CHORDC1: variants seen among roughly 807,000 people sequenced by gnomAD.
The protein encoded by CHORDC1 is cysteine and histidine rich domain containing 1.
In CHORDC1, 25 loss-of-function variants were observed where a neutral mutation model predicts 48.3. The observed-to-expected ratio is 0.52, with a 90% CI of 0.38 to 0.72. The LOEUF (loss-of-function observed/expected upper bound fraction) is 0.72. Ranked by LOEUF, CHORDC1 falls within the 30% of genes least tolerant of loss-of-function variation. The pLI, the probability that CHORDC1 is intolerant of heterozygous loss-of-function variation, is 0.00. For missense variants in CHORDC1, 317 were observed against 388.7 expected (o/e 0.82, Z 1.55); for synonymous variants, 128 against 126.4 (o/e 1.01, Z -0.09).
intron 1 of CHORDC1, 171 bp downstream of exon 1, chr11:90,222,720 C>T (rs899088877): frequency 2.1e-5 from 15 of 723,150 alleles, no homozygotes; most frequent in Middle Eastern, 6.5e-4. Context: ...CGCGGCGCAA[C>T]AGAGGGGCGG....
At chr11:90,204,318 G>C (rs934725433) in intron 8 of CHORDC1, among the ~76,000 whole-genome samples, 2 of 151,832 alleles carry the variant, frequency 1.3e-5, no homozygotes, top group African/African-American at 2.4e-5. Flanking sequence ...CAAACTTTTG[G>C]ACTATAAAAA....
chr11:90,212,302 T>A (rs1857892149), intron 4 of CHORDC1: 1 of 152,188 alleles, frequency 6.6e-6, no homozygotes, highest in South Asian at 2.1e-4. Flanking sequence ...TTCTGATGGT[T>A]TTTTTCTTGC....
chr11:90,215,109 A>C, intron 3 of CHORDC1, 65 bp downstream of exon 3: 1 of 974,714 alleles, frequency 1.0e-6, no homozygotes, highest in South Asian at 1.9e-5. Context: ...AGACTCCTCA[A>C]ATCTGAAGCT....
rs746177244 is a variant in CHORDC1, at chr11:90,202,314, CAACAA to C, written c.*86_*90del. On this transcript the variant is annotated 3_prime_UTR_variant, in exon 11 of 11. Coordinates refer to ENST00000320585, the MANE Select transcript of CHORDC1 (RefSeq NM_012124.3). ...TGAAATGCCACATTCAGTAACACAA[CAACAA>C]AACAAAAGATTACAGCAGCAAGCCA... 2.7e-5 allele frequency: 35 copies of C among 1,274,360 alleles called. No homozygotes were observed. Among genetic ancestry groups the C allele is most frequent in the Non-Finnish European group, 3.8e-5 (34 of 903,026 alleles). The allele number at this position is 1,274,360 out of a possible 1,614,324, so 78.9% of individuals were successfully genotyped here.
At chr11:90,211,527 A>G in intron 4 of CHORDC1, 1 of 418,144 alleles carries the variant, frequency 2.4e-6, no homozygotes, top group South Asian at 2.7e-5. Flanking sequence ...TTAGAATAGT[A>G]AGTCTCAAAT....
At chr11:90,215,929 T>G (rs7118543) in intron 2 of CHORDC1, among the ~76,000 whole-genome samples, 1 of 151,812 alleles carries the variant, frequency 6.6e-6, no homozygotes, top group Non-Finnish European at 1.5e-5. Context: ...CAGATTAAGA[T>G]GCAACTTTGC....
chr11:90,219,194 G>A (rs1381705163), intron 1 of CHORDC1, among the ~76,000 whole-genome samples: 1 of 152,034 alleles, frequency 6.6e-6, no homozygotes, highest in Non-Finnish European at 1.5e-5. Context: ...AACTTGGGAA[G>A]CAGAGTTTGC....
At position 90,215,478 on chromosome 11, in the gene CHORDC1, A is replaced by T. The variant is rs867238598; in HGVS notation, c.115-248T>A. 1.5e-3 allele frequency among the ~76,000 whole-genome samples: 224 copies of T among 152,206 alleles called. 1 individual carries two copies. Among genetic ancestry groups the T allele is most frequent in the African/African-American group, 5.2e-3 (218 of 41,584 alleles). On this transcript the variant is annotated intron_variant, in intron 2 of 10. Coordinates refer to ENST00000320585, the MANE Select transcript of CHORDC1 (RefSeq NM_012124.3). Reference sequence around the variant, plus strand: ...CTATCATCAAGGGAAGCACCTTTATAAAACAAAAACTGTTTCTCTTTTCAA... The same window carrying T: ...CTATCATCAAGGGAAGCACCTTTATTAAACAAAAACTGTTTCTCTTTTCAA...
intron 7 of CHORDC1, chr11:90,205,892 C>A (rs1857667299): frequency 4.5e-6 from 2 of 440,746 alleles, no homozygotes; most frequent in Non-Finnish European, 8.1e-6. Context: ...AAATGCCCTG[C>A]AATGTGTAGG....
Position 90,202,535 on chromosome 11 carries a change from C to T in CHORDC1, c.869G>A (p.Arg290Gln), listed in dbSNP as rs775629341. 1.7e-5 allele frequency: 27 copies of T among 1,613,240 alleles called. No homozygotes were observed. The highest frequency in any genetic ancestry group is 3.3e-5 in the Admixed American group (2 of 59,952). ...TGTTGCAGTCATAGTTACATAACTT[C>T]GCTTTACATCAATCACCTGTAACAT... ...VKLWGVIDVK[R>Q]SYVTMTATKI... Residue 290 changes from arginine to glutamine, a missense_variant, in exon 11 of 11, where the codon CGA becomes CAA. Transcript: ENST00000320585.
intron 2 of CHORDC1, among the ~76,000 whole-genome samples, chr11:90,216,263 A>T (rs137935213): frequency 9.4e-4 from 143 of 152,270 alleles, no homozygotes; most frequent in African/African-American, 3.1e-3. Context: ...GTAAAATACA[A>T]TACAGGCCAG....
chr11:90,210,012 A>G (rs1857816613), intron 6 of CHORDC1, among the ~76,000 whole-genome samples: 1 of 152,188 alleles, frequency 6.6e-6, no homozygotes, highest in African/African-American at 2.4e-5. Flanking sequence ...TATTCCTTGA[A>G]TAGCCAAGTT....
chr11:90,210,558 C>G lies in CHORDC1; in HGVS notation c.470G>C (p.Cys157Ser), dbSNP rs1204901340. 1 of 1,591,196 alleles carries G rather than the reference C, an allele frequency of 6.3e-7. No homozygotes were observed. Among genetic ancestry groups the G allele is most frequent in the East Asian group, 2.2e-5 (1 of 44,634 alleles). Residue 157 changes from cysteine (C) to serine (S), a missense_variant, in exon 6 of 11, where the codon TGT becomes TCT. Transcript: ENST00000320585. ...DNDEIKIGTS[C>S]KNGGCSKTYQ... ...TACCTTTGAACACCCTCCATTCTTACATGAGGTCCCAATCTTAATTTCATC... is the reference window on the plus strand; with the variant it reads ...TACCTTTGAACACCCTCCATTCTTAGATGAGGTCCCAATCTTAATTTCATC...
At chr11:90,213,334 CAAA>C (rs35305859) in intron 4 of CHORDC1, 160,151 of 567,226 alleles carry the variant, frequency 0.28, 7,393 homozygotes, top group South Asian at 0.32. Context: ...TACTTGCAGC[CAAA>C]AAAAAAAAAA....
At chr11:90,218,045 C>A in intron 2 of CHORDC1, 90 bp downstream of exon 2, 1 of 954,328 alleles carries the variant, frequency 1.0e-6, no homozygotes, top group Non-Finnish European at 1.5e-6. Flanking sequence ...AAGTCACTAG[C>A]TGAGAAAAAA....
intron 6 of CHORDC1, chr11:90,208,911 G>T (rs972855034): frequency 2.0e-5 from 3 of 152,112 alleles, no homozygotes; most frequent in Non-Finnish European, 2.9e-5. Context: ...ACCCTTTTAG[G>T]ATCTGGCCAG....
At chr11:90,202,639 C>T (rs1857570166) in intron 10 of CHORDC1, 88 bp from the exon 11 acceptor site, 2 of 1,484,340 alleles carry the variant, frequency 1.3e-6, no homozygotes, top group East Asian at 2.3e-5. Flanking sequence ...GCCAATAATC[C>T]CAAATCCAAG....
intron 6 of CHORDC1, chr11:90,206,817 A>T (rs1857704680): frequency 9.4e-6 from 12 of 1,271,014 alleles, no homozygotes; most frequent in Non-Finnish European, 1.2e-5. Flanking sequence ...GGCTCTACAG[A>T]TGAATTCACA....
chr11:90,206,666 T>C, intron 6 of CHORDC1: 2 of 575,404 alleles, frequency 3.5e-6, no homozygotes, highest in South Asian at 3.3e-5. Context: ...TCAAATAATA[T>C]GAGAAATCTA....
Sources: gnomAD v4.1 joint callset for allele counts (sites outside exome capture counted in the v4.1 genomes callset) on GRCh38, gnomAD v4.1.1 for gene constraint, MANE v1.5 for transcripts, NCBI Gene and HGNC (gene_info 2026-07-23, HGNC 2026-07-21) for gene names.